IL17RD: variants seen among roughly 807,000 people sequenced by gnomAD.
IL17RD encodes interleukin 17 receptor D.
Under a neutral mutation model 80.5 loss-of-function variants are expected in IL17RD, and 52 were observed. The observed-to-expected ratio is 0.65, with a 90% CI of 0.52 to 0.81. The LOEUF is 0.81. IL17RD is among the 40% of genes least tolerant of loss of function. IL17RD has a pLI of 0.00. For synonymous variants in IL17RD, 416 were observed against 391.8 expected, an observed-to-expected ratio of 1.06 and a Z score of -0.73; for missense variants, 1,024 against 955.1, an observed-to-expected ratio of 1.07 and a Z score of -0.95.
rs542152748 is a variant in IL17RD at position 57,158,199 on chromosome 3, C to T, written c.126+6962G>A. Among the ~76,000 whole-genome samples, 8 of 152,174 alleles carry T rather than the reference C, an allele frequency of 5.3e-5. 1 individual carries two copies. In the South Asian group the frequency reaches 1.7e-3, roughly 32 times the overall value. The stretch of plus-strand genomic sequence containing the variant: ...GGTACGTTCAAGCATGCTTCCCTAC[C>T]ATGTAGTAGTTTTAATGAAAAGCCT... On this transcript the variant is annotated intron_variant, in intron 1 of 12. Transcript: ENST00000296318.
At chr3:57,110,947 ACACC>A (rs1707082970) in intron 3 of IL17RD, among the ~76,000 whole-genome samples, 1 of 152,216 alleles carries the variant, frequency 6.6e-6, no homozygotes, top group African/African-American at 2.4e-5. Flanking sequence ...AGGCCCCGAG[ACACC>A]CACAGCGCCG....
chr3:57,119,390 G>A lies in IL17RD; in HGVS notation c.184+866C>T, dbSNP rs549356908. 2.0e-5 allele frequency among the ~76,000 whole-genome samples: 3 copies of A among 151,876 alleles called. No individual in the cohort carries two copies. The East Asian group carries it at 5.8e-4, about 29-fold the overall frequency. On this transcript the variant is annotated intron_variant, in intron 2 of 12. Coordinates refer to ENST00000296318, the MANE Select transcript of IL17RD (RefSeq NM_017563.5). ...ACAAAAACAAAAAACAAAACTAGGT[G>A]TGGTGGCATGCACCTGTAATCCCAG...
chr3:57,097,952 G>A lies in IL17RD; in HGVS notation c.1751C>T (p.Ser584Leu), dbSNP rs1469522110. 1.6e-5 allele frequency: 26 copies of A among 1,613,990 alleles called. No homozygotes were observed. Among genetic ancestry groups the A allele is most frequent in the Non-Finnish European group, 2.0e-5 (24 of 1,179,892 alleles). ...YREPVLEKFD[S>L]GLVLNDVMCK... Reference sequence around the variant, plus strand: ...CATGACATCATTTAAAACCAAGCCCGAATCAAATTTCTCCAAGACTGGCTC... The same window carrying A: ...CATGACATCATTTAAAACCAAGCCCAAATCAAATTTCTCCAAGACTGGCTC... The change falls in exon 12 of 13, where the codon TCG becomes TTG. Residue 584 changes from serine to leucine, a missense_variant. By Grantham distance (145) the Ser-to-Leu change is moderately radical. Coordinates refer to ENST00000296318, the MANE Select transcript of IL17RD (RefSeq NM_017563.5).
intron 1 of IL17RD, among the ~76,000 whole-genome samples, chr3:57,141,613 C>A (rs916169814): frequency 6.6e-6 from 1 of 151,912 alleles, no homozygotes; most frequent in Non-Finnish European, 1.5e-5. Flanking sequence ...ATTTTTTGTA[C>A]ATTATCTGTA....
At position 57,108,005 on chromosome 3, in the gene IL17RD, G is replaced by A. The variant is rs191255361; in HGVS notation, c.550+1532C>T. Among the ~76,000 whole-genome samples the A allele has an allele frequency of 5.5e-3, 841 of 151,982 alleles. 3 individuals are homozygous for A. The highest frequency in any genetic ancestry group is 9.4e-3 in the Non-Finnish European group (636 of 67,966). On this transcript the variant is annotated intron_variant, in intron 5 of 12. Transcript: ENST00000296318. ...CCCTCCTGATAACAGGTAAAAGATG[G>A]AATCATTTCATGCTCCTACCTTTAC...
intron 1 of IL17RD, chr3:57,142,407 T>A (rs576751178): frequency 2.2e-5 from 15 of 690,424 alleles, no homozygotes; most frequent in Non-Finnish European, 3.2e-5. Context: ...AGACATTTTA[T>A]TAAAAATTGA....
At position 57,105,908 on chromosome 3, in the gene IL17RD, A is replaced by C. The variant is rs760334588; in HGVS notation, c.696T>G (p.Leu232=). The C allele has an allele frequency of 1.2e-6, 2 of 1,613,920 alleles. No individual in the cohort carries two copies. Among genetic ancestry groups the C allele is most frequent in the Non-Finnish European group, 1.7e-6 (2 of 1,179,870 alleles). ...GTCCTTCGTGCTTGAGCTTGTAGTG[A>C]AGATAGAAGAAACGGAAGCCGAAGT... ...PHNFGFRFFY[L]HYKLKHEGPF... is the part of the protein sequence containing the mutation. Residue 232 remains leucine, a synonymous_variant, in exon 7 of 13, where the codon CTT becomes CTG. Transcript: ENST00000296318.
At chr3:57,114,476 A>G (rs1367748874) in intron 3 of IL17RD, among the ~76,000 whole-genome samples, 1 of 152,222 alleles carries the variant, frequency 6.6e-6, no homozygotes, top group African/African-American at 2.4e-5. Context: ...CATGTGAATA[A>G]CAATAACAGT....
At chr3:57,111,881 G>C (rs1707106761) in intron 3 of IL17RD, among the ~76,000 whole-genome samples, 2 of 151,480 alleles carry the variant, frequency 1.3e-5, no homozygotes, top group African/African-American at 4.9e-5. Context: ...AGAATGGTGT[G>C]AACCTGGGAG....
At position 57,154,260 on chromosome 3, in the gene IL17RD, T is replaced by TTATATA. The variant is rs751847693; in HGVS notation, c.126+10895_126+10900dup. ...TGAGACCTTGTCTCAAAAAAAAAAA[T>TTATATA]TATATATATATATATATATATATAC... On this transcript the variant is annotated intron_variant, in intron 1 of 12. Transcript: ENST00000296318. Among the ~76,000 whole-genome samples the TTATATA allele has an allele frequency of 3.5e-3, 450 of 128,558 alleles. 2 individuals carry two copies. Among genetic ancestry groups the TTATATA allele is most frequent in the African/African-American group, 8.0e-3 (261 of 32,470 alleles). The allele number at this position is 128,558 out of a possible 152,430, so 84.3% of individuals were successfully genotyped here. A position where few individuals can be genotyped will look rare whatever the true frequency, so the allele number is the denominator to read the frequency against.
intron 11 of IL17RD, 74 bp from the exon 12 acceptor site, chr3:57,098,612 G>C: frequency 1.0e-6 from 1 of 986,978 alleles, no homozygotes; most frequent in South Asian, 1.6e-5. Flanking sequence ...AACAGGAAGG[G>C]AAATGTCAGA....
chr3:57,108,717 T>C (rs1256807427), intron 5 of IL17RD, among the ~76,000 whole-genome samples: 1 of 151,468 alleles, frequency 6.6e-6, no homozygotes, highest in East Asian at 2.0e-4. Flanking sequence ...GGTTTCACCA[T>C]ATTTTTCAGG....
At chr3:57,152,026 G>A (rs1296682454) in intron 1 of IL17RD, among the ~76,000 whole-genome samples, 1 of 152,086 alleles carries the variant, frequency 6.6e-6, no homozygotes, top group Admixed American at 6.6e-5. Context: ...TGTGCCCCCA[G>A]TGCCTCCTTC....
chr3:57,143,726 G>A (rs1436987735), intron 1 of IL17RD, among the ~76,000 whole-genome samples: 1 of 152,226 alleles, frequency 6.6e-6, no homozygotes. Flanking sequence ...AGGATGTGCA[G>A]AGTCCAGGGC....
At chr3:57,131,044 G>A (rs762224093) in intron 1 of IL17RD, among the ~76,000 whole-genome samples, 3 of 152,172 alleles carry the variant, frequency 2.0e-5, no homozygotes, top group Non-Finnish European at 2.9e-5. Context: ...GCCTCCCGGG[G>A]GGCAATCACC....
intron 1 of IL17RD, among the ~76,000 whole-genome samples, chr3:57,143,897 T>C (rs1433667166): frequency 6.6e-6 from 1 of 152,182 alleles, no homozygotes; most frequent in African/African-American, 2.4e-5. Context: ...AGTCAATTAT[T>C]TGGAATTAAA....
chr3:57,163,524 A>C (rs1438213199), intron 1 of IL17RD, among the ~76,000 whole-genome samples: 1 of 152,054 alleles, frequency 6.6e-6, no homozygotes, highest in Non-Finnish European at 1.5e-5. Context: ...AGTGAATCGG[A>C]CTGATTTACC....
upstream of IL17RD, chr3:57,169,159 G>T (rs957891566): frequency 4.2e-6 from 2 of 480,546 alleles, no homozygotes. Flanking sequence ...CCAGGCCACA[G>T]TGGAGCTCAG....
chr3:57,168,324 CCACT>C (rs2060356334), upstream of IL17RD, among the ~76,000 whole-genome samples: 1 of 152,210 alleles, frequency 6.6e-6, no homozygotes, highest in Non-Finnish European at 1.5e-5. Flanking sequence ...GCACACCCAC[CCACT>C]ATTGAATTCC....
Sources: allele counts gnomAD v4.1 joint callset (sites outside exome capture counted in the v4.1 genomes callset), GRCh38; gene constraint gnomAD v4.1.1; transcripts MANE v1.5; gene names NCBI Gene and HGNC (gene_info 2026-07-23, HGNC 2026-07-21).